NDFIP2: variants seen among roughly 807,000 people sequenced by gnomAD.
NDFIP2 encodes the protein Nedd4 family interacting protein 2.
In NDFIP2, 19 loss-of-function variants were observed where a neutral mutation model predicts 36.0. The ratio of observed to expected loss-of-function variants is 0.53; its 90% CI spans 0.37 to 0.77. The LOEUF is 0.77. Among genes scored for constraint, NDFIP2 ranks in the 30% least tolerant of loss-of-function variants. NDFIP2 has a pLI of 0.00. For synonymous variants in NDFIP2, 181 were observed against 167.7 expected, an observed-to-expected ratio of 1.08 and a Z score of -0.61; for missense variants, 446 against 435.8, an observed-to-expected ratio of 1.02 and a Z score of -0.21.
At chr13:79,498,486 A>G (rs1486548126) in intron 1 of NDFIP2, among the ~76,000 whole-genome samples, 2 of 152,018 alleles carry the variant, frequency 1.3e-5, no homozygotes, top group African/African-American at 2.4e-5. Context: ...TTGTGCTGCC[A>G]TAACAATACC....
chr13:79,485,776 T>C (rs1872958357), intron 1 of NDFIP2, among the ~76,000 whole-genome samples: 1 of 152,226 alleles, frequency 6.6e-6, no homozygotes, highest in Non-Finnish European at 1.5e-5. Context: ...ATAAGAAGCT[T>C]TCTACTTCTC....
In NDFIP2 at chr13:79,548,321, T is replaced by G. The variant is rs765448488; in HGVS notation, c.841-7T>G. 2 of 1,563,978 alleles carry G rather than the reference T, an allele frequency of 1.3e-6. No individual in the cohort carries two copies. Among genetic ancestry groups the G allele is most frequent in the Non-Finnish European group, 8.7e-7 (1 of 1,144,554 alleles). On this transcript the variant is annotated splice_polypyrimidine_tract_variant and splice_region_variant and intron_variant, in intron 5 of 7. Transcript: ENST00000218652. ...ATTCGGTTAATATATTTATGTTCAC[T>G]CCATAGTTTTCTGATTATTTTACTG...
chr13:79,546,310 G>A (rs1189457666), intron 5 of NDFIP2, among the ~76,000 whole-genome samples: 1 of 152,068 alleles, frequency 6.6e-6, no homozygotes, highest in Non-Finnish European at 1.5e-5. Flanking sequence ...CTTTAGCCTA[G>A]CCTTCTGATA....
intron 1 of NDFIP2, among the ~76,000 whole-genome samples, chr13:79,497,791 GGGGGGTGTGT>G (rs1221104795): frequency 3.0e-4 from 20 of 67,192 alleles, no homozygotes; most frequent in Middle Eastern, 8.1e-3. Flanking sequence ...CTTTATCTGT[GGGGGGTGTGT>G]GTGTGTGTGT....
intron 1 of NDFIP2, among the ~76,000 whole-genome samples, chr13:79,507,902 T>C (rs751915495): frequency 5.5e-4 from 83 of 152,138 alleles, no homozygotes; most frequent in Non-Finnish European, 1.1e-3. Flanking sequence ...CCCTTTAACA[T>C]TATCCTGAAG....
At chr13:79,549,961 C>T (rs57032852) in intron 6 of NDFIP2, among the ~76,000 whole-genome samples, 8,394 of 151,818 alleles carry the variant, frequency 0.055, 446 homozygotes, top group African/African-American at 0.13. Flanking sequence ...TTACTACACA[C>T]ATGCTTCTTG....
At chr13:79,519,352 A>G (rs966787963) in intron 1 of NDFIP2, among the ~76,000 whole-genome samples, 15 of 152,214 alleles carry the variant, frequency 9.9e-5, no homozygotes, top group Non-Finnish European at 1.2e-4. Flanking sequence ...ACTTTTTGCC[A>G]AATATATTTA....
At chr13:79,489,777 A>T (rs1183460918) in intron 1 of NDFIP2, among the ~76,000 whole-genome samples, 2 of 152,216 alleles carry the variant, frequency 1.3e-5, no homozygotes, top group Non-Finnish European at 2.9e-5. Context: ...AGTTAAGGGG[A>T]TGGCCTAGAG....
In NDFIP2 at chr13:79,497,795, GGTGTGTGTGTGTGT is replaced by G. The variant is rs769463873; in HGVS notation, c.321+16292_321+16305del. Among the ~76,000 whole-genome samples, 24 of 128,992 alleles carry G rather than the reference GGTGTGTGTGTGTGT, an allele frequency of 1.9e-4. No homozygotes were observed. The South Asian group carries it at 5.3e-3, about 28-fold the overall frequency. 84.6% of individuals were successfully genotyped at this position (128,992 alleles called of 152,430 possible). ...CCATTTAAATCCTTTATCTGTGGGG[GGTGTGTGTGTGTGT>G]GTGTGTGTGTGTGTGTGTGTATGTG... On this transcript the variant is annotated intron_variant, in intron 1 of 7. Coordinates refer to ENST00000218652, the MANE Select transcript of NDFIP2 (RefSeq NM_019080.3).
chr13:79,550,586 C>T (rs919027036), intron 6 of NDFIP2, among the ~76,000 whole-genome samples: 2 of 151,352 alleles, frequency 1.3e-5, no homozygotes, highest in Non-Finnish European at 3.0e-5. Flanking sequence ...TGTTAGTAAC[C>T]TCATGTATAT....
At chr13:79,497,125 G>C (rs1873462917) in intron 1 of NDFIP2, among the ~76,000 whole-genome samples, 1 of 151,906 alleles carries the variant, frequency 6.6e-6, no homozygotes, top group Admixed American at 6.6e-5. Flanking sequence ...TGGTCCTTTG[G>C]AGAATGTTGG....
intron 1 of NDFIP2, among the ~76,000 whole-genome samples, chr13:79,485,073 G>C: frequency 6.6e-6 from 1 of 152,160 alleles, no homozygotes; most frequent in Non-Finnish European, 1.5e-5. Context: ...ATAGCAAGCA[G>C]CACGAACATC....
Position 79,554,851 on chromosome 13 carries a change from CA to C in NDFIP2, c.*2341del, listed in dbSNP as rs944808761. The C allele has an allele frequency of 2.0e-5, 3 of 151,816 alleles. No individual in the cohort carries two copies. The highest frequency in any genetic ancestry group is 4.4e-5 in the Non-Finnish European group (3 of 67,822). The allele number at this position is 151,816 out of a possible 1,614,324, so 9.4% of individuals were successfully genotyped here. A position where few individuals can be genotyped will look rare whatever the true frequency, so the allele number is the denominator to read the frequency against. ...ATTGGAAGTTAATACAAAAAAATTT[CA>C]AATTATTTCTATTGTAAATGAATAA... On this transcript the variant is annotated 3_prime_UTR_variant, in exon 8 of 8. Coordinates refer to ENST00000218652, the MANE Select transcript of NDFIP2 (RefSeq NM_019080.3).
chr13:79,525,123 T>G (rs1566662700), intron 2 of NDFIP2, among the ~76,000 whole-genome samples: 1 of 152,224 alleles, frequency 6.6e-6, no homozygotes, highest in Non-Finnish European at 1.5e-5. Context: ...TGACCTTTCT[T>G]TATTTGCAGT....
chr13:79,486,861 G>A (rs1324962998), intron 1 of NDFIP2, among the ~76,000 whole-genome samples: 1 of 152,132 alleles, frequency 6.6e-6, no homozygotes, highest in Non-Finnish European at 1.5e-5. Flanking sequence ...ATAACGTGCT[G>A]TACAGGTTTG....
intron 2 of NDFIP2, among the ~76,000 whole-genome samples, chr13:79,532,730 T>G (rs963576011): frequency 2.6e-5 from 4 of 152,196 alleles, no homozygotes; most frequent in African/African-American, 4.8e-5. Context: ...GAGCCGTTGC[T>G]GAAATCAAGA....
chr13:79,513,133 T>A (rs1034820389), intron 1 of NDFIP2, among the ~76,000 whole-genome samples: 8 of 152,358 alleles, frequency 5.3e-5, no homozygotes, highest in Admixed American at 2.6e-4. Context: ...AGAGCCATGC[T>A]GGCTGGGTAC....
intron 1 of NDFIP2, among the ~76,000 whole-genome samples, chr13:79,519,847 C>A (rs1200024404): frequency 6.6e-6 from 1 of 152,218 alleles, no homozygotes; most frequent in African/African-American, 2.4e-5. Context: ...AATGTCAAGG[C>A]TGGAGTGCAT....
chr13:79,525,043 T>G (rs987022223), intron 2 of NDFIP2, among the ~76,000 whole-genome samples: 5 of 152,196 alleles, frequency 3.3e-5, no homozygotes, highest in Non-Finnish European at 7.3e-5. Flanking sequence ...GACAGCAGCT[T>G]CTTCATTAGC....
Sources: gnomAD v4.1 joint callset for allele counts (sites outside exome capture counted in the v4.1 genomes callset) on GRCh38, gnomAD v4.1.1 for gene constraint, MANE v1.5 for transcripts, NCBI Gene and HGNC (gene_info 2026-07-23, HGNC 2026-07-21) for gene names.